NRG1: variants seen among roughly 807,000 people sequenced by gnomAD.
The protein encoded by NRG1 is pro-neuregulin-1, membrane-bound isoform.
A neutral mutation model predicts 63.8 loss-of-function variants in NRG1; 18 were observed. The ratio of observed to expected loss-of-function variants is 0.28; its 90% CI spans 0.19 to 0.42. The LOEUF (loss-of-function observed/expected upper bound fraction) is 0.42, where lower values mean the gene tolerates loss of function less well. Among genes scored for constraint, NRG1 ranks in the 10% least tolerant of loss-of-function variants. The pLI is 1.00. For missense variants in NRG1, 762 were observed against 814.7 expected (o/e 0.94, Z 0.79); for synonymous variants, 302 against 301.3 (o/e 1.00, Z -0.02).
At chr8:32,548,437 G>A (rs1279876237) in exon 1 of NRG1, 15 of 1,146,134 alleles carry the variant, frequency 1.3e-5, no homozygotes, top group Non-Finnish European at 1.5e-5. Flanking sequence ...GCCGGGCAGA[G>A]GCCAGGACGC....
intron 1 of NRG1, among the ~76,000 whole-genome samples, chr8:32,025,429 T>G (rs140926859): frequency 0.049 from 7,484 of 152,250 alleles, 321 homozygotes; most frequent in Admixed American, 0.13. Flanking sequence ...TATATAGACA[T>G]GCATCGATGT....
At chr8:32,176,992 G>A (rs554057988) in intron 1 of NRG1, among the ~76,000 whole-genome samples, 62 of 152,232 alleles carry the variant, frequency 4.1e-4, no homozygotes, top group African/African-American at 1.5e-3. Flanking sequence ...ATTCCCAAAG[G>A]ATTATAAATC....
In NRG1 at chr8:32,605,697, A is replaced by G; in HGVS notation, c.400+14A>G. 6.2e-7 allele frequency: 1 copy of G among 1,611,880 alleles called. No individual in the cohort carries two copies. The highest frequency in any genetic ancestry group is 8.5e-7 in the Non-Finnish European group (1 of 1,178,602). ...TGGAATCAAACGGTAAGAGATACCT[A>G]CGGTATTCTGTTCCTCAATCTGTAA... On this transcript the variant is annotated intron_variant, in intron 3 of 11. Transcript: ENST00000356819.
At chr8:31,660,412 A>G (rs539062046) in intron 1 of NRG1, among the ~76,000 whole-genome samples, 10 of 152,342 alleles carry the variant, frequency 6.6e-5, no homozygotes, top group African/African-American at 1.2e-4. Flanking sequence ...TTGACATAGT[A>G]CTTTCTGGGT....
intron 1 of NRG1, among the ~76,000 whole-genome samples, chr8:31,892,156 T>C (rs1563533155): frequency 6.6e-6 from 1 of 152,162 alleles, no homozygotes; most frequent in Non-Finnish European, 1.5e-5. Flanking sequence ...ATTTGTCTTA[T>C]TTCTTACAAC....
chr8:32,169,607 G>T (rs146549337), intron 1 of NRG1, among the ~76,000 whole-genome samples: 227 of 152,230 alleles, frequency 1.5e-3, no homozygotes, highest in African/African-American at 5.2e-3. Flanking sequence ...AAATATGGAG[G>T]ATTGAAACAC....
chr8:32,105,231 T>C (rs1006033639), intron 1 of NRG1, among the ~76,000 whole-genome samples: 13 of 152,184 alleles, frequency 8.5e-5, no homozygotes, highest in Non-Finnish European at 1.3e-4. Context: ...AATGTCATTA[T>C]GTAGAGCATG....
chr8:32,616,344 C>T (rs1229759379), intron 4 of NRG1, among the ~76,000 whole-genome samples: 27 of 152,054 alleles, frequency 1.8e-4, no homozygotes, highest in Admixed American at 1.8e-3. Context: ...GACTTTTCAG[C>T]ACTTTCTGGT....
intron 1 of NRG1, among the ~76,000 whole-genome samples, chr8:32,422,418 G>A (rs922120654): frequency 1.3e-5 from 2 of 152,134 alleles, no homozygotes; most frequent in Admixed American, 1.3e-4. Flanking sequence ...TTATGGATGT[G>A]TGTACAGTTT....
chr8:32,605,644 G>C, exon 3 of NRG1: 1 of 1,613,406 alleles, frequency 6.2e-7, no homozygotes, highest in Non-Finnish European at 8.5e-7. Context: ...ATTAGGAAAT[G>C]ACAGTGCCTC....
intron 1 of NRG1, among the ~76,000 whole-genome samples, chr8:31,770,029 G>C (rs894409250): frequency 6.6e-6 from 1 of 152,148 alleles, no homozygotes; most frequent in Admixed American, 6.6e-5. Flanking sequence ...CTGTGGAAAG[G>C]AGAGAAAGTC....
intron 1 of NRG1, among the ~76,000 whole-genome samples, chr8:31,856,946 C>A (rs1205582961): frequency 6.6e-6 from 1 of 152,098 alleles, no homozygotes; most frequent in Non-Finnish European, 1.5e-5. Flanking sequence ...GTCAGGGACC[C>A]ACTTGAGGAG....
At chr8:31,642,273 G>C (rs970507200) in intron 1 of NRG1, among the ~76,000 whole-genome samples, 1 of 152,146 alleles carries the variant, frequency 6.6e-6, no homozygotes, top group African/African-American at 2.4e-5. Context: ...CCACTGTCCA[G>C]TTTTCATATG....
At chr8:31,917,968 G>A (rs576925088) in intron 1 of NRG1, among the ~76,000 whole-genome samples, 64 of 152,244 alleles carry the variant, frequency 4.2e-4, no homozygotes, top group Admixed American at 1.3e-3. Context: ...CTCTGAAGCA[G>A]TTGTGAATGG....
At chr8:31,874,763 A>C (rs1238415181) in intron 1 of NRG1, among the ~76,000 whole-genome samples, 2 of 148,634 alleles carry the variant, frequency 1.3e-5, no homozygotes, top group Non-Finnish European at 3.0e-5. Context: ...CCCTCCCACT[A>C]TCCTTCCCAG....
chr8:32,299,848 G>T (rs1274875358), intron 1 of NRG1, among the ~76,000 whole-genome samples: 2 of 152,108 alleles, frequency 1.3e-5, no homozygotes, highest in Non-Finnish European at 2.9e-5. Context: ...CTTCCACTGG[G>T]TCCCTCCTGT....
intron 5 of NRG1, among the ~76,000 whole-genome samples, chr8:32,701,484 A>G (rs922803185): frequency 4.6e-5 from 7 of 152,164 alleles, no homozygotes; most frequent in African/African-American, 1.4e-4. Flanking sequence ...CGTAAAGACC[A>G]TGGGGCCAGC....
intron 1 of NRG1, among the ~76,000 whole-genome samples, chr8:32,580,782 TAATA>T (rs747881530): frequency 3.9e-5 from 6 of 152,172 alleles, no homozygotes; most frequent in East Asian, 1.9e-4. Context: ...TAGTAATTTT[TAATA>T]AATAAGTGTT....
rs920553982 is a variant in NRG1 at position 32,396,570 on chromosome 8, T to C, written c.38-199258T>C. Among the ~76,000 whole-genome samples the C allele has an allele frequency of 5.9e-5, 9 of 152,206 alleles. No homozygotes were observed. The East Asian group carries it at 1.4e-3, about 23-fold the overall frequency. ...CTGAAGCGATTCTCCTGCCTCAGCC[T>C]CCCAAGTAGCTGGGATTACAGGTGC... On this transcript the variant is annotated intron_variant, in intron 1 of 10. Transcript: ENST00000519301.
Sources: gnomAD v4.1 joint callset for allele counts (sites outside exome capture counted in the v4.1 genomes callset) on GRCh38, gnomAD v4.1.1 for gene constraint, MANE v1.5 for transcripts, NCBI Gene and HGNC (gene_info 2026-07-23, HGNC 2026-07-21) for gene names.